KIF18A: variants seen among roughly 807,000 people sequenced by gnomAD.
KIF18A encodes kinesin family member 18A.
A neutral mutation model predicts 103.3 loss-of-function variants in KIF18A; 67 were observed. The ratio of observed to expected loss-of-function variants is 0.65; its 90% CI spans 0.53 to 0.79. The LOEUF is 0.79. Ranked by LOEUF, KIF18A falls within the 30% of genes least tolerant of loss-of-function variation. KIF18A has a pLI of 0.00. For missense variants in KIF18A, 1,032 were observed against 1,062.5 expected, an observed-to-expected ratio of 0.97 and a Z score of 0.40; for synonymous variants, 367 against 355.5, an observed-to-expected ratio of 1.03 and a Z score of -0.36.
rs530422747 is a variant in KIF18A, at chr11:28,044,547, A to G, written c.1949-7883T>C. 2.0e-5 allele frequency among the ~76,000 whole-genome samples: 3 copies of G among 152,246 alleles called. No homozygotes were observed. The East Asian group carries it at 5.8e-4, about 29-fold the overall frequency. On this transcript the variant is annotated intron_variant, in intron 13 of 16. Coordinates refer to ENST00000263181, the MANE Select transcript of KIF18A (RefSeq NM_031217.4). Reference sequence around the variant, plus strand: ...ACTGAAAGTATGCGTTTCAGGATAAAGTGGCGAGTGTTCTATTCATCTGTT... The same window carrying G: ...ACTGAAAGTATGCGTTTCAGGATAAGGTGGCGAGTGTTCTATTCATCTGTT...
At chr11:28,085,586 TG>T (rs1851217212) in intron 6 of KIF18A, among the ~76,000 whole-genome samples, 1 of 151,780 alleles carries the variant, frequency 6.6e-6, no homozygotes, top group African/African-American at 2.4e-5. Flanking sequence ...AAGGGTCCCC[TG>T]TCCTATGATC....
At chr11:28,081,331 C>A (rs1851162793) in intron 9 of KIF18A, among the ~76,000 whole-genome samples, 1 of 152,090 alleles carries the variant, frequency 6.6e-6, no homozygotes, top group Non-Finnish European at 1.5e-5. Flanking sequence ...GAAGTAAATA[C>A]CTACTTTCAA....
At position 28,088,738 on chromosome 11, in the gene KIF18A, A is replaced by G; in HGVS notation, c.700-17T>C. 1 of 1,585,596 alleles carries G rather than the reference A, an allele frequency of 6.3e-7. No individual in the cohort carries two copies. The highest frequency in any genetic ancestry group is 8.6e-7 in the Non-Finnish European group (1 of 1,157,698). Reference sequence around the variant, plus strand: ...CAAGTAAATCTTTTTGAAATTACAAAATAGAAAAAAATGAGGATAAGATTT... The same window carrying G: ...CAAGTAAATCTTTTTGAAATTACAAGATAGAAAAAAATGAGGATAAGATTT... On this transcript the variant is annotated splice_polypyrimidine_tract_variant and intron_variant, in intron 5 of 16. Transcript: ENST00000263181.
chr11:28,068,650 C>T (rs1850969253), intron 11 of KIF18A, among the ~76,000 whole-genome samples: 1 of 152,016 alleles, frequency 6.6e-6, no homozygotes, highest in Admixed American at 6.6e-5. Context: ...GGTGTGTAAA[C>T]TTGAGACTAG....
intron 16 of KIF18A, among the ~76,000 whole-genome samples, chr11:28,023,221 T>A (rs1850268524): frequency 6.6e-6 from 1 of 152,146 alleles, no homozygotes; most frequent in South Asian, 2.1e-4. Flanking sequence ...GAATGTAGTA[T>A]CTTTCATACT....
rs1490495575 is a variant in KIF18A at position 28,058,175 on chromosome 11, A to T, written c.1948+751T>A. Reference sequence around the variant, plus strand: ...TTTGCAATTAAAATGTCTCACACATACTTTTATGAGAGAAAGAGAAATATC... The same window carrying T: ...TTTGCAATTAAAATGTCTCACACATTCTTTTATGAGAGAAAGAGAAATATC... On this transcript the variant is annotated intron_variant, in intron 13 of 16. Coordinates refer to ENST00000263181, the MANE Select transcript of KIF18A (RefSeq NM_031217.4). 2.0e-5 allele frequency among the ~76,000 whole-genome samples: 3 copies of T among 152,126 alleles called. No individual in the cohort carries two copies. The East Asian group carries it at 5.8e-4, about 29-fold the overall frequency.
At chr11:28,107,323 A>AATAAAC (rs1284820755) in intron 1 of KIF18A, among the ~76,000 whole-genome samples, 6 of 152,066 alleles carry the variant, frequency 3.9e-5, no homozygotes, top group Non-Finnish European at 8.8e-5. Flanking sequence ...CTTCTCATAT[A>AATAAAC]ATAAACAGCA....
In KIF18A at chr11:28,084,753, T is replaced by A; in HGVS notation, c.953A>T (p.Asp318Val). 6.2e-7 allele frequency: 1 copy of A among 1,613,218 alleles called. No individual in the cohort carries two copies. The highest frequency in any genetic ancestry group is 8.5e-7 in the Non-Finnish European group (1 of 1,179,282). The change falls in exon 7 of 17, where the codon GAT (aspartate) becomes GTT (valine). Residue 318 changes from aspartate (D) to valine (V), a missense_variant. Physicochemically the swap from Asp to Val is radical, Grantham distance 152. Coordinates refer to ENST00000263181, the MANE Select transcript of KIF18A (RefSeq NM_031217.4). ...RNSKLTRLLKDSLGGNCQTIM... is the reference protein window; with the variant it reads ...RNSKLTRLLKVSLGGNCQTIM... ...AGTTTGACAGTTTCCTCCAAGAGAA[T>A]CCTTTAACAAGCGAGTAAGCTTACT...
In KIF18A at chr11:28,036,643, T is replaced by G; in HGVS notation, c.1970A>C (p.Asn657Thr). ...TTTTTCTGTAGGAATCTTAACCAGATTAGTTCCACCTGAAGATGAGCCTAT... is the reference window on the plus strand; with the variant it reads ...TTTTTCTGTAGGAATCTTAACCAGAGTAGTTCCACCTGAAGATGAGCCTAT... ...IPCCSSSGGT[N>T]LVKIPTEKRT... The change falls in exon 14 of 17, where the codon AAT (asparagine) becomes ACT (threonine). Residue 657 changes from asparagine (N) to threonine (T), a missense_variant. Asn to Thr is a moderately conservative substitution (Grantham distance 65, BLOSUM62 0). Coordinates refer to ENST00000263181, the MANE Select transcript of KIF18A (RefSeq NM_031217.4). 1 of 1,602,950 alleles carries G rather than the reference T, an allele frequency of 6.2e-7. No homozygotes were observed. Among genetic ancestry groups the G allele is most frequent in the Non-Finnish European group, 8.5e-7 (1 of 1,173,506 alleles).
intron 13 of KIF18A, among the ~76,000 whole-genome samples, chr11:28,051,130 G>A (rs1386190942): frequency 6.6e-6 from 1 of 151,666 alleles, no homozygotes; most frequent in East Asian, 1.9e-4. Context: ...AGAGTACGAA[G>A]ATTTGATATT....
At chr11:28,038,633 C>T (rs1456328767) in intron 13 of KIF18A, among the ~76,000 whole-genome samples, 1 of 151,636 alleles carries the variant, frequency 6.6e-6, no homozygotes, top group East Asian at 1.9e-4. Flanking sequence ...CTTAAACAAT[C>T]AGCAACAGTA....
chr11:28,062,239 G>A (rs1850864576), intron 12 of KIF18A, among the ~76,000 whole-genome samples, 156 bp downstream of exon 12: 2 of 151,998 alleles, frequency 1.3e-5, no homozygotes, highest in Non-Finnish European at 2.9e-5. Flanking sequence ...TTTGTTGGAA[G>A]GAAATAACTC....
chr11:28,021,242 A>G lies in KIF18A; in HGVS notation c.2655T>C (p.Val885=), dbSNP rs375100834. ...TTGAAATATTTCTTCCAAATTTTCT[A>G]ACCATGCTTGGATTTATTTTACAGA... ...RNICKINPSM[V]RKFGRNISKG... The change falls in exon 17 of 17, where the codon GTT becomes GTC. Residue 885 remains valine, a synonymous_variant. Coordinates refer to ENST00000263181, the MANE Select transcript of KIF18A (RefSeq NM_031217.4). 5.3e-6 allele frequency: 8 copies of G among 1,500,040 alleles called. No individual in the cohort carries two copies. In the African/African-American group the frequency reaches 8.5e-5, roughly 16 times the overall value. 92.9% of individuals were successfully genotyped at this position (1,500,040 alleles called of 1,614,324 possible). A position where few individuals can be genotyped will look rare whatever the true frequency, so the allele number is the denominator to read the frequency against.
intron 6 of KIF18A, among the ~76,000 whole-genome samples, chr11:28,085,498 G>C (rs553211447): frequency 1.3e-5 from 2 of 152,246 alleles, no homozygotes; most frequent in South Asian, 4.1e-4. Flanking sequence ...TAAAGTCTTT[G>C]ATCTTTCTTA....
chr11:28,091,869 A>G (rs560637662), intron 3 of KIF18A, among the ~76,000 whole-genome samples: 15 of 152,208 alleles, frequency 9.9e-5, no homozygotes, highest in East Asian at 1.9e-4. Context: ...AGGCTGGAGT[A>G]CAGTGGCGCA....
chr11:28,100,025 G>T (rs966470750), intron 1 of KIF18A, among the ~76,000 whole-genome samples: 1 of 152,138 alleles, frequency 6.6e-6, no homozygotes, highest in Admixed American at 6.6e-5. Context: ...TGAGGGTAAA[G>T]GTGACAGAAT....
intron 9 of KIF18A, among the ~76,000 whole-genome samples, chr11:28,082,118 G>C (rs1028427853): frequency 6.6e-6 from 1 of 152,076 alleles, no homozygotes; most frequent in Non-Finnish European, 1.5e-5. Flanking sequence ...ATGGTTTCTT[G>C]AGAAAGTTTA....
chr11:28,053,348 T>C (rs1361798417), intron 13 of KIF18A, among the ~76,000 whole-genome samples: 1 of 152,042 alleles, frequency 6.6e-6, no homozygotes, highest in African/African-American at 2.4e-5. Flanking sequence ...TTTATAATTA[T>C]CAGGTGTCAC....
intron 15 of KIF18A, among the ~76,000 whole-genome samples, chr11:28,025,196 T>C (rs1302386648): frequency 6.6e-6 from 1 of 151,918 alleles, no homozygotes; most frequent in African/African-American, 2.4e-5. Flanking sequence ...GTAATGAAAA[T>C]GACACAGTTT....
Sources: gnomAD v4.1 joint callset for allele counts (sites outside exome capture counted in the v4.1 genomes callset) on GRCh38, gnomAD v4.1.1 for gene constraint, MANE v1.5 for transcripts, NCBI Gene and HGNC (gene_info 2026-07-23, HGNC 2026-07-21) for gene names.